Variants in DEUP1 observed in about 807,000 individuals in gnomAD.
DEUP1 encodes the protein deuterosome assembly protein 1.
In DEUP1, 82 loss-of-function variants were observed where a neutral mutation model predicts 87.4. The ratio of observed to expected loss-of-function variants is 0.94; its 90% CI spans 0.78 to 1.13. The LOEUF (loss-of-function observed/expected upper bound fraction) is 1.13. DEUP1 is among the 50% of genes most tolerant of loss of function. The pLI, the probability that DEUP1 is intolerant of heterozygous loss-of-function variation, is 0.00. For synonymous variants in DEUP1, 214 were observed against 222.7 expected (o/e 0.96, Z 0.35); for missense variants, 663 against 681.5 (o/e 0.97, Z 0.30).
chr11:93,330,519 G>GCCGCCGCGCCCATCCCCCA (rs1289581023), upstream of DEUP1: 1 of 152,444 alleles, frequency 6.6e-6, no homozygotes, highest in African/African-American at 2.4e-5. Flanking sequence ...GCCTGCCGCC[G>GCCGCCGCGCCCATCCCCCA]CCGCCGCGCC....
At chr11:93,366,601 C>T (rs1160663302) in intron 5 of DEUP1, among the ~76,000 whole-genome samples, 4 of 152,132 alleles carry the variant, frequency 2.6e-5, no homozygotes, top group East Asian at 3.9e-4. Context: ...TGCGCTGACT[C>T]GCTAGTTGTG....
chr11:93,364,106 C>T, intron 4 of DEUP1, 54 bp from the exon 5 acceptor site: 1 of 1,294,762 alleles, frequency 7.7e-7, no homozygotes, highest in Non-Finnish European at 1.1e-6. Context: ...ATAGTGAAAT[C>T]AGGTTAGAAA....
intron 13 of DEUP1, among the ~76,000 whole-genome samples, chr11:93,430,533 T>C (rs1190832899): frequency 6.6e-6 from 1 of 152,026 alleles, no homozygotes; most frequent in Non-Finnish European, 1.5e-5. Flanking sequence ...GCCAAATAGG[T>C]AAATGAAATC....
chr11:93,397,902 A>T (rs146793672), intron 11 of DEUP1, among the ~76,000 whole-genome samples: 1 of 152,278 alleles, frequency 6.6e-6, no homozygotes, highest in African/African-American at 2.4e-5. Context: ...GAAAAAATAT[A>T]TGAGCATATA....
chr11:93,385,906 A>G (rs1946523135), intron 8 of DEUP1, among the ~76,000 whole-genome samples: 1 of 151,922 alleles, frequency 6.6e-6, no homozygotes, highest in African/African-American at 2.4e-5. Flanking sequence ...ATTTTTTATT[A>G]CCTGGGCATG....
At chr11:93,387,951 AC>A (rs2134333996) in intron 8 of DEUP1, among the ~76,000 whole-genome samples, 1 of 152,248 alleles carries the variant, frequency 6.6e-6, no homozygotes, top group South Asian at 2.1e-4. Flanking sequence ...TATTTACCGC[AC>A]ATAAAAATGC....
At position 93,386,853 on chromosome 11, in the gene DEUP1, A is replaced by G. The variant is rs76201582; in HGVS notation, c.935+1310A>G. Among the ~76,000 whole-genome samples, 10 of 152,336 alleles carry G rather than the reference A, an allele frequency of 6.6e-5. No individual in the cohort carries two copies. In the East Asian group the frequency reaches 1.7e-3, roughly 26 times the overall value. ...ATGAAGAAAATATATTCCTAAAAAC[A>G]TAAGACATTTCACAGAAGAGCACAC... On this transcript the variant is annotated intron_variant, in intron 8 of 13. Coordinates refer to ENST00000298050, the MANE Select transcript of DEUP1 (RefSeq NM_181645.4).
chr11:93,381,217 C>A (rs773176995), intron 7 of DEUP1, among the ~76,000 whole-genome samples: 2 of 152,088 alleles, frequency 1.3e-5, no homozygotes, highest in Non-Finnish European at 2.9e-5. Flanking sequence ...TTAGGCAAAC[C>A]TCTAACTAAA....
At position 93,415,053 on chromosome 11, in the gene DEUP1, C is replaced by T. The variant is rs779898555; in HGVS notation, c.1577C>T (p.Ser526Leu). Residue 526 changes from serine to leucine, a missense_variant, in exon 13 of 14, where the codon TCG becomes TTG. Coordinates refer to ENST00000298050, the MANE Select transcript of DEUP1 (RefSeq NM_181645.4). ...NRSTMPPLPP[S>L]TFQAKEMTSP... Reference sequence around the variant, plus strand: ...AGTACAATGCCTCCCTTGCCACCTTCGACATTTCAAGCCAAAGAAATGACA... The same window carrying T: ...AGTACAATGCCTCCCTTGCCACCTTTGACATTTCAAGCCAAAGAAATGACA... 2.4e-5 allele frequency: 39 copies of T among 1,608,434 alleles called. No individual in the cohort carries two copies. Among genetic ancestry groups the T allele is most frequent in the South Asian group, 1.7e-4 (15 of 89,506 alleles).
intron 9 of DEUP1, among the ~76,000 whole-genome samples, chr11:93,390,894 C>T (rs956653396): frequency 5.0e-4 from 76 of 151,970 alleles, no homozygotes; most frequent in Non-Finnish European, 1.0e-3. Flanking sequence ...CCAGCCTGAC[C>T]AACATGGTGA....
intron 8 of DEUP1, among the ~76,000 whole-genome samples, chr11:93,388,209 T>C (rs1324811415): frequency 6.6e-6 from 1 of 152,172 alleles, no homozygotes; most frequent in African/African-American, 2.4e-5. Flanking sequence ...GGTTGAAATT[T>C]CTGAAGGTGT....
At position 93,437,646 on chromosome 11, in the gene DEUP1, T is replaced by C. The variant is rs748484559; in HGVS notation, c.1742T>C (p.Ile581Thr). 9.9e-6 allele frequency: 16 copies of C among 1,609,388 alleles called. No homozygotes were observed. Among genetic ancestry groups the C allele is most frequent in the Middle Eastern group, 1.6e-4 (1 of 6,076 alleles). ...CTTGAAAAACTTCTAAATACACATATTGATGAACTGCAAAGACACACAGAA... is the reference window on the plus strand; with the variant it reads ...CTTGAAAAACTTCTAAATACACATACTGATGAACTGCAAAGACACACAGAA... ...KELEKLLNTH[I>T]DELQRHTEFT... Residue 581 changes from isoleucine to threonine, a missense_variant, in exon 14 of 14, where the codon ATT (isoleucine) becomes ACT (threonine). Transcript: ENST00000298050.
intron 2 of DEUP1, among the ~76,000 whole-genome samples, chr11:93,342,158 A>C (rs1014605526): frequency 6.6e-6 from 1 of 152,140 alleles, no homozygotes; most frequent in Non-Finnish European, 1.5e-5. Context: ...GGACCTGATT[A>C]TCTTTGGGGA....
intron 13 of DEUP1, among the ~76,000 whole-genome samples, chr11:93,430,967 A>G (rs1322128165): frequency 6.6e-6 from 1 of 151,878 alleles, no homozygotes; most frequent in South Asian, 2.1e-4. Context: ...GTGGTGGCAC[A>G]TGCCTGTAGT....
chr11:93,419,062 T>G (rs1212279337), intron 13 of DEUP1, among the ~76,000 whole-genome samples: 5 of 150,972 alleles, frequency 3.3e-5, no homozygotes, highest in African/African-American at 1.2e-4. Flanking sequence ...GGGATAGCAT[T>G]GGGAGATATA....
chr11:93,345,148 T>G (rs544076606), intron 2 of DEUP1, among the ~76,000 whole-genome samples: 25 of 152,340 alleles, frequency 1.6e-4, no homozygotes, highest in African/African-American at 5.8e-4. Context: ...CTAAGGATAA[T>G]GGCCTCCAGC....
At chr11:93,410,031 C>T (rs1424371714) in intron 12 of DEUP1, among the ~76,000 whole-genome samples, 1 of 151,800 alleles carries the variant, frequency 6.6e-6, no homozygotes, top group African/African-American at 2.4e-5. Context: ...TAGATAAATC[C>T]GTAGGTCCAT....
intron 13 of DEUP1, among the ~76,000 whole-genome samples, chr11:93,431,840 A>G (rs773046250): frequency 6.6e-6 from 1 of 152,172 alleles, no homozygotes; most frequent in Non-Finnish European, 1.5e-5. Flanking sequence ...CTAGGATTTC[A>G]ACCTGAGCAT....
chr11:93,399,082 T>A (rs899977550), intron 11 of DEUP1, among the ~76,000 whole-genome samples: 1 of 152,142 alleles, frequency 6.6e-6, no homozygotes, highest in Admixed American at 6.5e-5. Context: ...GTTTATGACT[T>A]TTTTTGGCCA....
Sources: allele counts gnomAD v4.1 joint callset (sites outside exome capture counted in the v4.1 genomes callset), GRCh38; gene constraint gnomAD v4.1.1; transcripts MANE v1.5; gene names NCBI Gene and HGNC (gene_info 2026-07-23, HGNC 2026-07-21).